OSBPL8: variants seen among roughly 807,000 people sequenced by gnomAD.
OSBPL8 encodes the protein oxysterol-binding protein-related protein 8.
OSBPL8 carries 59 observed loss-of-function variants against 125.5 expected under a neutral mutation model. That is an observed-to-expected ratio of 0.47 (90% confidence interval 0.38 to 0.58). The LOEUF (loss-of-function observed/expected upper bound fraction) is 0.58, where lower values mean the gene tolerates loss of function less well. Among genes scored for constraint, OSBPL8 ranks in the 20% least tolerant of loss-of-function variants. The probability of loss-of-function intolerance (pLI) is 0.00; values close to 1 mark genes in which losing one functional copy is unlikely to be tolerated. For synonymous variants in OSBPL8, 330 were observed against 338.9 expected, an observed-to-expected ratio of 0.97 and a Z score of 0.29; for missense variants, 758 against 1,047.8, an observed-to-expected ratio of 0.72 and a Z score of 3.82.
At chr12:76,383,641 T>G (rs1565846835) in intron 15 of OSBPL8, among the ~76,000 whole-genome samples, 1 of 152,320 alleles carries the variant, frequency 6.6e-6, no homozygotes, top group Admixed American at 6.5e-5. Flanking sequence ...TGGTTGAAAT[T>G]TAATTGTTCT....
intron 21 of OSBPL8, chr12:76,366,667 T>C: frequency 2.6e-6 from 1 of 389,414 alleles, no homozygotes; most frequent in Non-Finnish European, 5.0e-6. Context: ...ATGTAGATGT[T>C]CACAGATATA....
chr12:76,528,032 A>G (rs1950224800), intron 1 of OSBPL8, among the ~76,000 whole-genome samples: 2 of 152,202 alleles, frequency 1.3e-5, no homozygotes, highest in Non-Finnish European at 1.5e-5. Context: ...ATATATAAGC[A>G]TTATTGTTGG....
At chr12:76,527,677 A>G (rs1367336341) in intron 1 of OSBPL8, among the ~76,000 whole-genome samples, 1 of 152,160 alleles carries the variant, frequency 6.6e-6, no homozygotes, top group Non-Finnish European at 1.5e-5. Context: ...TAGTTATCGA[A>G]TTATCTTATC....
intron 1 of OSBPL8, among the ~76,000 whole-genome samples, chr12:76,533,566 A>G (rs1189734124): frequency 6.6e-6 from 1 of 152,214 alleles, no homozygotes; most frequent in Non-Finnish European, 1.5e-5. Flanking sequence ...AGCAGACACA[A>G]ACAAGTGATG....
Position 76,356,038 on chromosome 12 carries a change from C to T in OSBPL8, c.2538-17G>A. ...ATAATATTTCTATAAAAATAAGCAA[C>T]AACAAATTTTGTAATGATTTGCCAG... On this transcript the variant is annotated splice_polypyrimidine_tract_variant and intron_variant, in intron 23 of 23. Coordinates refer to ENST00000261183, the MANE Select transcript of OSBPL8 (RefSeq NM_020841.5). The T allele has an allele frequency of 2.5e-6, 4 of 1,598,896 alleles. No individual in the cohort carries two copies. Among genetic ancestry groups the T allele is most frequent in the Non-Finnish European group, 3.4e-6 (4 of 1,174,376 alleles).
chr12:76,507,552 G>A lies in OSBPL8; in HGVS notation c.-67-19934C>T, dbSNP rs1880533933. Among the ~76,000 whole-genome samples, 2 of 151,680 alleles carry A rather than the reference G, an allele frequency of 1.3e-5. 1 individual carries two copies. The highest frequency in any genetic ancestry group is 2.9e-5 in the Non-Finnish European group (2 of 68,022). ...AAGCAAAAATGTGCCGGGTGTGGTG[G>A]CTCACACCTGTAATCCCAGCAGTTT... On this transcript the variant is annotated intron_variant, in intron 1 of 23. Coordinates refer to ENST00000261183, the MANE Select transcript of OSBPL8 (RefSeq NM_020841.5).
At position 76,386,621 on chromosome 12, in the gene OSBPL8, T is replaced by C. The variant is rs56729324; in HGVS notation, c.1392A>G (p.Lys464=). 8.5e-5 allele frequency: 137 copies of C among 1,608,966 alleles called. No homozygotes were observed. In the African/African-American group the frequency reaches 1.5e-3, roughly 18 times the overall value. ...ATCCTGACAAATACCATTTCACTAC[T>C]TTCTTCAAACGGAAATAAGGATTTT... The part of the protein sequence containing the change: ...LEENPYFRLK[K]VVKWYLSGFY... The change falls in exon 13 of 24, where the codon AAA becomes AAG. Residue 464 remains lysine, a synonymous_variant. Coordinates refer to ENST00000261183, the MANE Select transcript of OSBPL8 (RefSeq NM_020841.5).
chr12:76,371,579 ACTATC>A lies in OSBPL8; in HGVS notation c.1918_1922del (p.Asp640Ter). ...TCTTTTTATCAGTAATAAAAACTTCACTATCCTATATTTAAAAAAATTCAAAATTA... is the reference window on the plus strand; with the variant it reads ...TCTTTTTATCAGTAATAAAAACTTCACTATATTTAAAAAAATTCAAAATTA... On this transcript the variant is annotated frameshift_variant and splice_region_variant, in exon 19 of 24. Transcript: ENST00000261183. LOFTEE classifies it high-confidence loss of function. 1 of 1,590,176 alleles carries A rather than the reference ACTATC, an allele frequency of 6.3e-7. No individual in the cohort carries two copies. Among genetic ancestry groups the A allele is most frequent in the Non-Finnish European group, 8.6e-7 (1 of 1,167,892 alleles).
rs773098058 is a variant in OSBPL8, at chr12:76,542,226, C to G, written c.-68+17171G>C. 2.6e-5 allele frequency among the ~76,000 whole-genome samples: 4 copies of G among 152,030 alleles called. No homozygotes were observed. In the East Asian group the frequency reaches 5.8e-4, roughly 22 times the overall value. On this transcript the variant is annotated intron_variant, in intron 1 of 23. Coordinates refer to ENST00000261183, the MANE Select transcript of OSBPL8 (RefSeq NM_020841.5). Reference sequence around the variant, plus strand: ...AAGCATAATGCTTACTTCACCACTCCCTCCCTTTAAAGACTCTCCAGTACT... The same window carrying G: ...AAGCATAATGCTTACTTCACCACTCGCTCCCTTTAAAGACTCTCCAGTACT...
At chr12:76,388,350 C>G (rs751726007) in intron 12 of OSBPL8, among the ~76,000 whole-genome samples, 23 of 152,182 alleles carry the variant, frequency 1.5e-4, no homozygotes, top group Non-Finnish European at 2.2e-4. Flanking sequence ...GGGTGCTGTG[C>G]TAGTCTGCAC....
chr12:76,506,922 T>TAC (rs1880475774), intron 1 of OSBPL8, among the ~76,000 whole-genome samples: 5 of 151,962 alleles, frequency 3.3e-5, no homozygotes, highest in African/African-American at 1.2e-4. Flanking sequence ...AGGAACAGGC[T>TAC]TCGAGAGAAG....
intron 2 of OSBPL8, among the ~76,000 whole-genome samples, chr12:76,466,099 A>T (rs1367098035): frequency 6.6e-6 from 1 of 152,148 alleles, no homozygotes; most frequent in Non-Finnish European, 1.5e-5. Flanking sequence ...GTATGATATG[A>T]CCCTACTTTT....
chr12:76,383,712 T>C (rs1433620281), intron 15 of OSBPL8, among the ~76,000 whole-genome samples: 2 of 152,238 alleles, frequency 1.3e-5, no homozygotes, highest in African/African-American at 4.8e-5. Context: ...TATGTTTTAC[T>C]GGTATATAGC....
intron 14 of OSBPL8, among the ~76,000 whole-genome samples, chr12:76,385,227 G>C (rs1341296861): frequency 6.6e-6 from 1 of 152,122 alleles, no homozygotes; most frequent in Admixed American, 6.6e-5. Flanking sequence ...TCTAGGAGAA[G>C]AAGGTTTTTC....
chr12:76,529,056 AGTTTT>A (rs535233652), intron 1 of OSBPL8, among the ~76,000 whole-genome samples: 5 of 151,794 alleles, frequency 3.3e-5, no homozygotes, highest in South Asian at 4.2e-4. Flanking sequence ...TTTCAATCTT[AGTTTT>A]GTTTTGTTTT....
At chr12:76,531,746 C>A (rs77703479) in intron 1 of OSBPL8, among the ~76,000 whole-genome samples, 2,808 of 152,146 alleles carry the variant, frequency 0.018, 69 homozygotes, top group African/African-American at 0.06. Context: ...CTAAAAAAAA[C>A]TGACCAAAAG....
intron 4 of OSBPL8, among the ~76,000 whole-genome samples, chr12:76,439,005 A>T (rs1411069626): frequency 6.6e-6 from 1 of 152,190 alleles, no homozygotes; most frequent in Non-Finnish European, 1.5e-5. Flanking sequence ...CTAAGATTTC[A>T]CCAACTACAG....
In OSBPL8 at chr12:76,487,501, A is replaced by G. The variant is rs1359177666; in HGVS notation, c.42+9T>C. 1.9e-6 allele frequency: 3 copies of G among 1,597,588 alleles called. No individual in the cohort carries two copies. Among genetic ancestry groups the G allele is most frequent in the Non-Finnish European group, 2.6e-6 (3 of 1,173,096 alleles). ...ATGATAGAACCTATGTCATATATGA[A>G]CTACTCACCGAAGTTCGATCAGGTT... On this transcript the variant is annotated intron_variant, in intron 2 of 23. Coordinates refer to ENST00000261183, the MANE Select transcript of OSBPL8 (RefSeq NM_020841.5).
intron 16 of OSBPL8, among the ~76,000 whole-genome samples, chr12:76,376,159 A>G (rs1237797215): frequency 6.6e-6 from 1 of 152,240 alleles, no homozygotes; most frequent in African/African-American, 2.4e-5. Context: ...TTTATGTAAC[A>G]TAACTACTGC....
Sources: allele counts gnomAD v4.1 joint callset (sites outside exome capture counted in the v4.1 genomes callset), GRCh38; gene constraint gnomAD v4.1.1; transcripts MANE v1.5; gene names NCBI Gene and HGNC (gene_info 2026-07-23, HGNC 2026-07-21).